Variants in NIN observed in about 807,000 individuals in gnomAD.
NIN encodes the protein glycogen synthase kinase 3 beta-interacting protein.
In NIN, 137 loss-of-function variants were observed where a neutral mutation model predicts 257.6. The ratio of observed to expected loss-of-function variants is 0.53; its 90% CI spans 0.46 to 0.61. The LOEUF (loss-of-function observed/expected upper bound fraction) is 0.61, where lower values mean the gene tolerates loss of function less well. Ranked by LOEUF, NIN falls within the 20% of genes least tolerant of loss-of-function variation. The probability of loss-of-function intolerance (pLI) is 0.00; values close to 1 mark genes in which losing one functional copy is unlikely to be tolerated. For missense variants in NIN, 2,439 were observed against 2,501.2 expected, an observed-to-expected ratio of 0.98 and a Z score of 0.53; for synonymous variants, 918 against 919.8, an observed-to-expected ratio of 1.00 and a Z score of 0.04.
intron 5 of NIN, among the ~76,000 whole-genome samples, chr14:50,788,487 A>C (rs1185891455): frequency 6.6e-6 from 1 of 152,218 alleles, no homozygotes; most frequent in Non-Finnish European, 1.5e-5. Context: ...AATGATTCTC[A>C]GTAATCACTG....
chr14:50,811,202 G>A (rs868675079), intron 3 of NIN, among the ~76,000 whole-genome samples: 7 of 150,786 alleles, frequency 4.6e-5, no homozygotes, highest in Middle Eastern at 3.4e-3. Flanking sequence ...TCCACCTCCC[G>A]GGTTCAAGCA....
At position 50,776,949 on chromosome 14, in the gene NIN, C is replaced by CTCT; in HGVS notation, c.663_665dup (p.Glu222dup). The CTCT allele has an allele frequency of 6.2e-7, 1 of 1,609,888 alleles. No homozygotes were observed. The highest frequency in any genetic ancestry group is 8.5e-7 in the Non-Finnish European group (1 of 1,178,128). On this transcript the variant is annotated inframe_insertion and splice_region_variant, in exon 7 of 31. Transcript: ENST00000530997. ...TCCTGAATTATACTGCGAGGCTTACCTCTCCATCCACATTCTGTAAACCAT... is the reference window on the plus strand; with the variant it reads ...TCCTGAATTATACTGCGAGGCTTACCTCTTCTCCATCCACATTCTGTAAACCAT...
chr14:50,726,886 A>T (rs1220679444), intron 29 of NIN, among the ~76,000 whole-genome samples: 1 of 152,244 alleles, frequency 6.6e-6, no homozygotes, highest in Non-Finnish European at 1.5e-5. Flanking sequence ...ATACTTTAAA[A>T]GACATGCAGA....
At chr14:50,762,051 A>T in intron 15 of NIN, 140 bp from the exon 16 acceptor site, 2 of 837,100 alleles carry the variant, frequency 2.4e-6, no homozygotes, top group South Asian at 3.5e-5. Context: ...AGGAAATAAC[A>T]GAGGCCAAGA....
At chr14:50,791,429 C>T (rs2043584693) in intron 5 of NIN, among the ~76,000 whole-genome samples, 1 of 151,988 alleles carries the variant, frequency 6.6e-6, no homozygotes, top group African/African-American at 2.4e-5. Flanking sequence ...CCACACTACT[C>T]TTATACCACT....
At chr14:50,750,197 G>A (rs930059809) in intron 21 of NIN, among the ~76,000 whole-genome samples, 1 of 151,852 alleles carries the variant, frequency 6.6e-6, no homozygotes, top group African/African-American at 2.4e-5. Flanking sequence ...CCCAGCCCTA[G>A]AATCAATCAT....
chr14:50,752,928 C>G (rs1410689018), intron 20 of NIN, among the ~76,000 whole-genome samples, 195 bp from the exon 21 acceptor site: 1 of 152,070 alleles, frequency 6.6e-6, no homozygotes, highest in Non-Finnish European at 1.5e-5. Flanking sequence ...AGAAGTGAGA[C>G]ACTCAGTCTG....
rs375461550 is a variant in NIN, at chr14:50,740,136, AG to A, written c.5449-650del. Among the ~76,000 whole-genome samples, 16 of 152,082 alleles carry A rather than the reference AG, an allele frequency of 1.1e-4. No homozygotes were observed. The East Asian group carries it at 1.5e-3, about 15-fold the overall frequency. On this transcript the variant is annotated intron_variant, in intron 25 of 30. Transcript: ENST00000530997. Reference sequence around the variant, plus strand: ...TTTAAACCAAACATGAAAAAAAAAAAGGTACAATCTCATTTTCAGAAAAAGT... The same window carrying A: ...TTTAAACCAAACATGAAAAAAAAAAAGTACAATCTCATTTTCAGAAAAAGT...
chr14:50,744,275 G>C lies in NIN; in HGVS notation c.5155C>G (p.Leu1719Val). The C allele has an allele frequency of 6.2e-7, 1 of 1,614,048 alleles. No homozygotes were observed. Among genetic ancestry groups the C allele is most frequent in the Non-Finnish European group, 8.5e-7 (1 of 1,179,974 alleles). ...NEKLLKEKEA[L>V]SEELNSCVDK... Reference sequence around the variant, plus strand: ...ACACAGCTATTTAATTCCTCACTCAGAGCTTCCTTTTCTTTCAGCAGTTTT... The same window carrying C: ...ACACAGCTATTTAATTCCTCACTCACAGCTTCCTTTTCTTTCAGCAGTTTT... The change falls in exon 23 of 31, where the codon CTG becomes GTG. Residue 1719 changes from leucine to valine, a missense_variant. By Grantham distance (32) the Leu-to-Val change is conservative. Transcript: ENST00000530997.
intron 14 of NIN, 55 bp from the exon 15 acceptor site, chr14:50,764,019 C>A: frequency 6.8e-7 from 1 of 1,462,208 alleles, no homozygotes; most frequent in Non-Finnish European, 9.5e-7. Context: ...GCATAAGCAA[C>A]AACAACAACA....
At chr14:50,734,594 T>C (rs1595715864) in intron 28 of NIN, among the ~76,000 whole-genome samples, 5 of 152,342 alleles carry the variant, frequency 3.3e-5, no homozygotes, top group Admixed American at 3.3e-4. Flanking sequence ...TTATATCCTA[T>C]AATTAAACTC....
At chr14:50,772,010 CAAAAA>C (rs11347875) in intron 9 of NIN, 2 of 225,940 alleles carry the variant, frequency 8.9e-6, no homozygotes, top group East Asian at 9.2e-5. Flanking sequence ...CAACAAAAAA[CAAAAA>C]AAAAACACAA....
chr14:50,807,456 A>G (rs2044381544), intron 3 of NIN, among the ~76,000 whole-genome samples: 1 of 152,228 alleles, frequency 6.6e-6, no homozygotes, highest in Non-Finnish European at 1.5e-5. Context: ...ATTTAAGTAA[A>G]TAGTCAGAAC....
intron 12 of NIN, among the ~76,000 whole-genome samples, chr14:50,768,052 A>AACACACAC (rs61028485): frequency 1.6e-4 from 22 of 139,064 alleles, no homozygotes; most frequent in Admixed American, 7.9e-4. Context: ...CACATTTGCC[A>AACACACAC]ACACACACAC....
chr14:50,769,749 G>A (rs1229578158), intron 12 of NIN, among the ~76,000 whole-genome samples: 1 of 152,108 alleles, frequency 6.6e-6, no homozygotes, highest in Non-Finnish European at 1.5e-5. Flanking sequence ...TGATATGCCT[G>A]CCTCGGCCTC....
At chr14:50,831,265 C>G (rs2045697662), upstream of NIN, 1 of 151,910 alleles carries the variant, frequency 6.6e-6, no homozygotes, top group Non-Finnish European at 1.5e-5. Flanking sequence ...CGGGCGGCGC[C>G]GCCTGAGCCC....
At position 50,747,935 on chromosome 14, in the gene NIN, G is replaced by T. The variant is rs192370275; in HGVS notation, c.5064+57C>A. On this transcript the variant is annotated intron_variant, in intron 22 of 30. Transcript: ENST00000530997. ...GGTGGTTAGAAATACCAGCCCAACAGGAGCCCACCAGGTACATATTGTTCT... is the reference window on the plus strand; with the variant it reads ...GGTGGTTAGAAATACCAGCCCAACATGAGCCCACCAGGTACATATTGTTCT... 71 of 1,146,486 alleles carry T rather than the reference G, an allele frequency of 6.2e-5. 1 individual carries two copies. The East Asian group carries it at 1.6e-3, about 27-fold the overall frequency. 71.0% of individuals were successfully genotyped at this position (1,146,486 alleles called of 1,614,324 possible).
chr14:50,731,141 TAC>T (rs2040675115), intron 28 of NIN, among the ~76,000 whole-genome samples: 1 of 149,830 alleles, frequency 6.7e-6, no homozygotes, highest in Non-Finnish European at 1.5e-5. Flanking sequence ...TATATAAATT[TAC>T]AGACATTAAA....
intron 5 of NIN, among the ~76,000 whole-genome samples, chr14:50,791,807 G>GCACAAA (rs1555388928): frequency 8.6e-6 from 1 of 116,702 alleles, no homozygotes; most frequent in Non-Finnish European, 1.7e-5. Flanking sequence ...AGGTGCACGC[G>GCACAAA]CACACACACA....
Sources: gnomAD v4.1 joint callset for allele counts (sites outside exome capture counted in the v4.1 genomes callset) on GRCh38, gnomAD v4.1.1 for gene constraint, MANE v1.5 for transcripts, NCBI Gene and HGNC (gene_info 2026-07-23, HGNC 2026-07-21) for gene names.